KCNIP4: variants seen among roughly 807,000 people sequenced by gnomAD.
KCNIP4 encodes potassium voltage-gated channel interacting protein 4, also known as Kv channel-interacting protein 4.
KCNIP4 carries 12 observed loss-of-function variants against 34.0 expected under a neutral mutation model. That is an observed-to-expected ratio of 0.35 (90% CI 0.23 to 0.57). The LOEUF (loss-of-function observed/expected upper bound fraction) is 0.57, where lower values mean the gene tolerates loss of function less well. KCNIP4 is among the 20% of genes least tolerant of loss of function. The pLI is 0.83. For synonymous variants in KCNIP4, 124 were observed against 102.2 expected (o/e 1.21, Z -1.29); for missense variants, 238 against 311.7 (o/e 0.76, Z 1.78).
At chr4:21,635,857 T>A (rs1395784338) in intron 1 of KCNIP4, among the ~76,000 whole-genome samples, 1 of 151,136 alleles carries the variant, frequency 6.6e-6, no homozygotes, top group East Asian at 1.9e-4. Context: ...TATTGCGGCA[T>A]TATTCACAAT....
intron 1 of KCNIP4, chr4:21,843,622 C>T (rs577534488): frequency 6.6e-6 from 1 of 152,074 alleles, no homozygotes; most frequent in South Asian, 2.1e-4. Flanking sequence ...ACCAACTGGC[C>T]CTGCTAAGTT....
intron 1 of KCNIP4, among the ~76,000 whole-genome samples, chr4:21,805,491 A>T (rs1165876884): frequency 6.6e-6 from 1 of 151,986 alleles, no homozygotes; most frequent in Admixed American, 6.6e-5. Flanking sequence ...CTCTGCCATG[A>T]TTGTGAGGCC....
intron 1 of KCNIP4, among the ~76,000 whole-genome samples, chr4:21,488,488 C>G (rs914648844): frequency 6.6e-6 from 1 of 151,844 alleles, no homozygotes. Flanking sequence ...GGAATAAATG[C>G]CAAGACAAAT....
intron 1 of KCNIP4, among the ~76,000 whole-genome samples, chr4:21,916,221 T>C (rs977147597): frequency 6.6e-6 from 1 of 152,224 alleles, no homozygotes; most frequent in Admixed American, 6.5e-5. Flanking sequence ...TACCTGCTTC[T>C]TTCCAGCATT....
At chr4:21,718,845 AT>A (rs1354896056) in intron 1 of KCNIP4, 2 of 152,140 alleles carry the variant, frequency 1.3e-5, no homozygotes, top group Non-Finnish European at 1.5e-5. Flanking sequence ...TAGCAAATCT[AT>A]TTGCAAAGGA....
chr4:21,247,441 A>G (rs1416248127), intron 1 of KCNIP4, among the ~76,000 whole-genome samples: 2 of 151,628 alleles, frequency 1.3e-5, no homozygotes, highest in Non-Finnish European at 2.9e-5. Context: ...GAAGAGCAGG[A>G]AACTTCATGA....
chr4:21,689,887 C>A (rs896200101), intron 1 of KCNIP4, among the ~76,000 whole-genome samples: 1 of 151,854 alleles, frequency 6.6e-6, no homozygotes, highest in Non-Finnish European at 1.5e-5. Flanking sequence ...ACATGTTGAT[C>A]TACTGCAGGG....
intron 1 of KCNIP4, among the ~76,000 whole-genome samples, chr4:21,437,306 AT>A (rs1465064056): frequency 2.0e-5 from 3 of 152,230 alleles, no homozygotes; most frequent in Admixed American, 1.3e-4. Context: ...TTCAACAACA[AT>A]AACAACAAAA....
chr4:21,307,632 T>C (rs1712630769), intron 1 of KCNIP4, among the ~76,000 whole-genome samples: 1 of 152,226 alleles, frequency 6.6e-6, no homozygotes, highest in Non-Finnish European at 1.5e-5. Flanking sequence ...TGAGTGGTTG[T>C]TGAATGAATA....
chr4:21,937,764 T>C (rs61632897), intron 1 of KCNIP4, among the ~76,000 whole-genome samples: 1,728 of 152,216 alleles, frequency 0.011, 28 homozygotes, highest in African/African-American at 0.04. Context: ...TCTATTTGTC[T>C]GATGTGTACT....
chr4:21,660,301 T>C (rs529255956), intron 1 of KCNIP4, among the ~76,000 whole-genome samples: 1 of 152,314 alleles, frequency 6.6e-6, no homozygotes, highest in African/African-American at 2.4e-5. Flanking sequence ...CCTTTCCCAA[T>C]GGCTTGCAGA....
At chr4:21,706,622 G>A (rs773809321) in intron 1 of KCNIP4, among the ~76,000 whole-genome samples, 13 of 152,140 alleles carry the variant, frequency 8.5e-5, no homozygotes, top group African/African-American at 3.1e-4. Context: ...AAATAAATGT[G>A]ACTGATTGAT....
chr4:21,271,833 G>A (rs1485516), intron 1 of KCNIP4, among the ~76,000 whole-genome samples: 66,757 of 152,034 alleles, frequency 0.44, 15,353 homozygotes, highest in South Asian at 0.57. Context: ...GTTTGGCAGT[G>A]ATTTATCGAG....
In KCNIP4 at chr4:20,944,637, G is replaced by A. The variant is rs1474761376; in HGVS notation, c.62-61928C>T. 9.2e-5 allele frequency among the ~76,000 whole-genome samples: 14 copies of A among 152,178 alleles called. No homozygotes were observed. The East Asian group carries it at 2.1e-3, about 23-fold the overall frequency. On this transcript the variant is annotated intron_variant, in intron 1 of 8. Transcript: ENST00000382152. ...CATGGCAGAGACAAAGAAGGTTTGC[G>A]GGTTTGCCTGGCAGCTTGCCCGAGG...
intron 1 of KCNIP4, among the ~76,000 whole-genome samples, chr4:21,256,154 GT>G (rs1761049341): frequency 6.6e-6 from 1 of 152,186 alleles, no homozygotes; most frequent in African/African-American, 2.4e-5. Flanking sequence ...GTTAGTCCAA[GT>G]CCTAAATGAT....
At position 20,729,612 on chromosome 4, in the gene KCNIP4, A is replaced by AC. The variant is rs1199967737; in HGVS notation, c.*469_*470insG. 1 of 69,570 alleles carries AC rather than the reference A, an allele frequency of 1.4e-5. No homozygotes were observed. The highest frequency in any genetic ancestry group is 7.6e-5 in the African/African-American group (1 of 13,154). 4.3% of individuals were successfully genotyped at this position (69,570 alleles called of 1,614,324 possible). A position where few individuals can be genotyped will look rare whatever the true frequency, so the allele number is the denominator to read the frequency against. On this transcript the variant is annotated 3_prime_UTR_variant, in exon 9 of 9. Transcript: ENST00000382152. ...AATCTTGTTTCCTTAAAGTATATAAATGGAATTTAAATGGAATTACAGCAT... is the reference window on the plus strand; with the variant it reads ...AATCTTGTTTCCTTAAAGTATATAAACTGGAATTTAAATGGAATTACAGCAT...
At chr4:21,363,420 C>T (rs1719424668) in intron 1 of KCNIP4, among the ~76,000 whole-genome samples, 1 of 152,134 alleles carries the variant, frequency 6.6e-6, no homozygotes, top group African/African-American at 2.4e-5. Context: ...GTAGCATAGA[C>T]ATATCTTCAT....
chr4:21,859,780 G>A (rs1724966566), intron 1 of KCNIP4, among the ~76,000 whole-genome samples: 1 of 152,178 alleles, frequency 6.6e-6, no homozygotes, highest in Admixed American at 6.5e-5. Context: ...TGTAATCCCA[G>A]CACTTTGGGA....
intron 1 of KCNIP4, among the ~76,000 whole-genome samples, chr4:21,544,938 A>G (rs1312881575): frequency 6.6e-6 from 1 of 152,090 alleles, no homozygotes; most frequent in Admixed American, 6.6e-5. Context: ...CATTTGAACT[A>G]GAACGACTCC....
Sources: allele counts gnomAD v4.1 joint callset (sites outside exome capture counted in the v4.1 genomes callset), GRCh38; gene constraint gnomAD v4.1.1; transcripts MANE v1.5; gene names NCBI Gene and HGNC (gene_info 2026-07-23, HGNC 2026-07-21).